WNK2: variants seen among roughly 807,000 people sequenced by gnomAD.
WNK2 encodes WNK lysine deficient protein kinase 2.
In WNK2, 67 loss-of-function variants were observed where a neutral mutation model predicts 192.1. The observed-to-expected ratio is 0.35, with a 90% CI of 0.29 to 0.43. The LOEUF is 0.43. WNK2 is among the 20% of genes least tolerant of loss of function. WNK2 has a pLI of 1.00. For synonymous variants in WNK2, 1,439 were observed against 1,393.9 expected (o/e 1.03, Z -0.72); for missense variants, 2,698 against 3,089.7 (o/e 0.87, Z 3.01).
chr9:93,292,408 T>C lies in WNK2; in HGVS notation c.5025+12T>C. 2 of 1,613,924 alleles carry C rather than the reference T, an allele frequency of 1.2e-6. No individual in the cohort carries two copies. The highest frequency in any genetic ancestry group is 8.5e-7 in the Non-Finnish European group (1 of 1,179,862). On this transcript the variant is annotated intron_variant, in intron 22 of 29. Coordinates refer to ENST00000427277, the MANE Select transcript of WNK2 (RefSeq NM_006648.4). ...CCAGCGTCCCCCAGGTAAGGGCGACTTGACGACCCCCTGGCTGGTTGGCAG... is the reference window on the plus strand; with the variant it reads ...CCAGCGTCCCCCAGGTAAGGGCGACCTGACGACCCCCTGGCTGGTTGGCAG...
intron 19 of WNK2, among the ~76,000 whole-genome samples, chr9:93,275,161 A>T (rs1846635969): frequency 6.6e-6 from 1 of 152,214 alleles, no homozygotes; most frequent in Admixed American, 6.5e-5. Context: ...GAAACATATG[A>T]TCATAACAGT....
At position 93,265,493 on chromosome 9, in the gene WNK2, G is replaced by A. The variant is rs140688559; in HGVS notation, c.3696+1460G>A. 4.6e-3 allele frequency among the ~76,000 whole-genome samples: 699 copies of A among 152,310 alleles called. 4 individuals are homozygous for A. The highest frequency in any genetic ancestry group is 0.015 in the African/African-American group (630 of 41,562). Reference sequence around the variant, plus strand: ...TTGGAGGGTCAGAGGCGTGAGCTGCGCTTTGGTCAGGGAGGAGTCTTTGTC... The same window carrying A: ...TTGGAGGGTCAGAGGCGTGAGCTGCACTTTGGTCAGGGAGGAGTCTTTGTC... On this transcript the variant is annotated intron_variant, in intron 16 of 29. Coordinates refer to ENST00000427277, the MANE Select transcript of WNK2 (RefSeq NM_006648.4).
chr9:93,246,663 C>T (rs543834826), intron 7 of WNK2, among the ~76,000 whole-genome samples: 1 of 152,344 alleles, frequency 6.6e-6, no homozygotes, highest in East Asian at 1.9e-4. Context: ...CTCCCCTCCC[C>T]GATAGCTATG....
chr9:93,275,708 T>C (rs1039446436), intron 19 of WNK2, among the ~76,000 whole-genome samples: 5 of 152,212 alleles, frequency 3.3e-5, no homozygotes, highest in African/African-American at 1.2e-4. Context: ...GATGATGACA[T>C]GGATTCTACA....
chr9:93,318,440 C>T (rs745593217), intron 29 of WNK2: 19 of 1,614,118 alleles, frequency 1.2e-5, no homozygotes, highest in Middle Eastern at 3.3e-4. Context: ...GGGCAGGGCA[C>T]ACTGGCGGAG....
intron 7 of WNK2, among the ~76,000 whole-genome samples, chr9:93,240,193 C>T (rs1442700883): frequency 6.6e-6 from 1 of 152,048 alleles, no homozygotes; most frequent in Non-Finnish European, 1.5e-5. Flanking sequence ...GTGGGAGTCC[C>T]CTCAAAAACA....
chr9:93,266,236 C>T (rs1845151037), intron 16 of WNK2, among the ~76,000 whole-genome samples: 1 of 152,102 alleles, frequency 6.6e-6, no homozygotes, highest in Non-Finnish European at 1.5e-5. Flanking sequence ...GTGTGAGGTA[C>T]CAGCTGTCCC....
Position 93,259,217 on chromosome 9 carries a change from C to T in WNK2, c.2669C>T (p.Ala890Val), listed in dbSNP as rs1362959439. ...GCCACTATCCCCCTGCTGGCCGTAG[C>T]CCCACCGGGCGTGGCTGCCCTGTCC... ...APATIPLLAV[A>V]PPGVAALSIH... Residue 890 changes from alanine (A) to valine (V), a missense_variant, in exon 12 of 30, where the codon GCC becomes GTC. Around this residue, in one of 7 missense-constraint regions of WNK2, gnomAD observed 893 missense variants for 909.0 expected, o/e 0.98. Transcript: ENST00000427277. The surrounding 1 kb of genome is among the most constrained non-coding windows in gnomAD (Gnocchi z 4.8). 13 of 1,613,204 alleles carry T rather than the reference C, an allele frequency of 8.1e-6. No individual in the cohort carries two copies. The South Asian group carries it at 1.3e-4, about 16-fold the overall frequency.
chr9:93,263,969 A>G lies in WNK2; in HGVS notation c.3632A>G (p.His1211Arg). The part of the protein sequence containing the change: ...MVECQLETHN[H>R]KMVTFKFDLD... ...GAGTGCCAGCTGGAGACGCACAACC[A>G]CAAGATGGTGACCTTCAAGTTCGAC... Residue 1211 changes from histidine (H) to arginine (R), a missense_variant, in exon 16 of 30, where the codon CAC (histidine) becomes CGC (arginine). His to Arg is a conservative substitution (Grantham distance 29, BLOSUM62 0). Around this residue, in one of 7 missense-constraint regions of WNK2, gnomAD observed 21 missense variants for 53.2 expected, o/e 0.39. Coordinates refer to ENST00000427277, the MANE Select transcript of WNK2 (RefSeq NM_006648.4). 1 of 1,613,568 alleles carries G rather than the reference A, an allele frequency of 6.2e-7. No homozygotes were observed. The highest frequency in any genetic ancestry group is 1.1e-5 in the South Asian group (1 of 91,056).
chr9:93,197,156 T>C (rs1418232800), intron 2 of WNK2, among the ~76,000 whole-genome samples: 1 of 152,264 alleles, frequency 6.6e-6, no homozygotes, highest in Non-Finnish European at 1.5e-5. Context: ...CAGTTGTTAG[T>C]GTTTACCACT....
chr9:93,288,378 CTT>C (rs1848749773), intron 19 of WNK2, among the ~76,000 whole-genome samples: 1 of 152,218 alleles, frequency 6.6e-6, no homozygotes, highest in Non-Finnish European at 1.5e-5. Context: ...CATTGAATAA[CTT>C]TTGTCCAGTG....
Position 93,185,561 on chromosome 9 carries a change from A to G in WNK2, c.632A>G (p.Lys211Arg). The change falls in exon 2 of 30, where the codon AAG becomes AGG. Residue 211 changes from lysine (K) to arginine (R), a missense_variant. By Grantham distance (26) the Lys-to-Arg change is conservative. This residue lies in a region of WNK2 where 230 missense variants were observed against 501.1 expected (regional missense o/e 0.46). Transcript: ENST00000427277. ...LGRGSFKTVY[K>R]GLDTETWVEV... Reference sequence around the variant, plus strand: ...CGCGGTTCCTTCAAGACGGTCTACAAGGGGCTGGACACGGAGACCTGGGTG... The same window carrying G: ...CGCGGTTCCTTCAAGACGGTCTACAGGGGGCTGGACACGGAGACCTGGGTG... 2.5e-6 allele frequency: 4 copies of G among 1,612,932 alleles called. No homozygotes were observed. Among genetic ancestry groups the G allele is most frequent in the Admixed American group, 1.7e-5 (1 of 59,952 alleles).
In WNK2 at chr9:93,257,066, G is replaced by T; in HGVS notation, c.2309G>T (p.Gly770Val). 2 of 1,606,188 alleles carry T rather than the reference G, an allele frequency of 1.2e-6. No homozygotes were observed. Among genetic ancestry groups the T allele is most frequent in the African/African-American group, 1.3e-5 (1 of 74,690 alleles). ...TACCTGGCTCCAGCCTCCCAGGTGG[G>T]GGCCCCCGCTCAGCTGAAGCCCCTC... is the stretch of plus-strand genomic sequence containing the variant. ...PPYLAPASQV[G>V]APAQLKPLQM... is the part of the protein sequence containing the mutation. The change falls in exon 11 of 30, where the codon GGG (glycine) becomes GTG (valine). Residue 770 changes from glycine to valine, a missense_variant. Gly to Val is a moderately radical substitution (Grantham distance 109, BLOSUM62 -3). Coordinates refer to ENST00000427277, the MANE Select transcript of WNK2 (RefSeq NM_006648.4). The surrounding 1 kb of genome is among the most constrained non-coding windows in gnomAD (Gnocchi z 4.7).
intron 2 of WNK2, among the ~76,000 whole-genome samples, chr9:93,201,565 A>T (rs1357934841): frequency 6.6e-6 from 1 of 152,154 alleles, no homozygotes. Flanking sequence ...TGTGCAGAAA[A>T]CTAGTACCTA....
chr9:93,262,838 A>G (rs1032140159), intron 14 of WNK2, 119 bp downstream of exon 14: 5 of 1,162,040 alleles, frequency 4.3e-6, no homozygotes, highest in African/African-American at 1.5e-5. Context: ...CCCTGATGCC[A>G]TTAGGGGTTT....
chr9:93,225,849 C>G (rs1564027663), intron 2 of WNK2, among the ~76,000 whole-genome samples: 1 of 152,206 alleles, frequency 6.6e-6, no homozygotes, highest in Non-Finnish European at 1.5e-5. Flanking sequence ...GCCATCTCCT[C>G]TCCAGCTTCC....
At chr9:93,275,770 A>G (rs1373573624) in intron 19 of WNK2, among the ~76,000 whole-genome samples, 1 of 152,276 alleles carries the variant, frequency 6.6e-6, no homozygotes, top group Non-Finnish European at 1.5e-5. Flanking sequence ...TAGGATACGC[A>G]GTCATCATAC....
At chr9:93,222,484 C>T (rs1453656537) in intron 2 of WNK2, among the ~76,000 whole-genome samples, 1 of 152,084 alleles carries the variant, frequency 6.6e-6, no homozygotes. Flanking sequence ...AGTCCAGTGC[C>T]GCCGACTCAC....
At position 93,308,309 on chromosome 9, in the gene WNK2, C is replaced by G; in HGVS notation, c.6260-19C>G. 1 of 1,549,436 alleles carries G rather than the reference C, an allele frequency of 6.5e-7. No homozygotes were observed. The highest frequency in any genetic ancestry group is 8.7e-7 in the Non-Finnish European group (1 of 1,146,488). On this transcript the variant is annotated intron_variant, in intron 27 of 29. Transcript: ENST00000427277. ...GCGTGTGTGGCGTCACCAATCCTGG[C>G]CTGTGTGTGACTCCCCAGGGTCCTC...
Sources: allele counts gnomAD v4.1 joint callset (sites outside exome capture counted in the v4.1 genomes callset), GRCh38; gene constraint gnomAD v4.1.1; regional missense constraint gnomAD v4.1.1; non-coding constraint Gnocchi (gnomAD v3.1); transcripts MANE v1.5; gene names NCBI Gene and HGNC (gene_info 2026-07-23, HGNC 2026-07-21).